The following ZNF69 variants were observed in gnomAD, a reference collection of about 807,000 sequenced individuals.
ZNF69 encodes ZNF3.
Under a neutral mutation model 50.9 loss-of-function variants are expected in ZNF69, and 47 were observed. That is an observed-to-expected ratio of 0.92 (90% confidence interval 0.73 to 1.18). ZNF69 has a LOEUF of 1.18. ZNF69 is among the 50% of genes most tolerant of loss of function. The pLI, the probability that ZNF69 is intolerant of heterozygous loss-of-function variation, is 0.00. For synonymous variants in ZNF69, 216 were observed against 223.1 expected (o/e 0.97, Z 0.29); for missense variants, 717 against 675.1 (o/e 1.06, Z -0.69).
chr19:11,956,515 C>A, the ZNF69 span: 1 of 398,448 alleles, frequency 2.5e-6, no homozygotes, highest in South Asian at 1.3e-4. Context: ...AGGCCTGAGT[C>A]CAGTGACTGC....
At chr19:11,889,801 C>T (rs1460219271) in intron 1 of ZNF69, among the ~76,000 whole-genome samples, 1 of 152,134 alleles carries the variant, frequency 6.6e-6, no homozygotes. Flanking sequence ...ATTTATTGAT[C>T]ACTATTTTTA....
the ZNF69 span, chr19:11,980,131 C>T: frequency 2.4e-6 from 2 of 822,090 alleles, no homozygotes; most frequent in South Asian, 2.9e-5. Context: ...GTAGGACTCA[C>T]ACTGGATAGA....
the ZNF69 span, among the ~76,000 whole-genome samples, chr19:11,943,650 T>A: frequency 6.6e-6 from 1 of 152,318 alleles, no homozygotes; most frequent in East Asian, 1.9e-4. Context: ...AGTGGTGTTA[T>A]ACAGGCAAGT....
the ZNF69 span, among the ~76,000 whole-genome samples, chr19:11,937,485 CTTTCCTTTTT>C: frequency 4.3e-5 from 6 of 138,304 alleles, no homozygotes; most frequent in East Asian, 1.2e-3. Flanking sequence ...TTCTTTTTTT[CTTTCCTTTTT>C]TTTTTTTTTT....
chr19:11,905,979 C>T lies in ZNF69; in HGVS notation c.1582C>T (p.His528Tyr). The change falls in exon 4 of 4, where the codon CAC (histidine) becomes TAC (tyrosine). Residue 528 changes from histidine (H) to tyrosine (Y), a missense_variant. Coordinates refer to ENST00000429654, the MANE Select transcript of ZNF69 (RefSeq NM_001364730.1). The part of the protein sequence containing the change: ...SSSFRYHERT[H>Y]TGEKPYKCKQ... ...TTCCTTTCGATACCATGAAAGGACT[C>T]ACACTGGAGAGAAACCCTATAAATG... 1.9e-6 allele frequency: 3 copies of T among 1,614,080 alleles called. No individual in the cohort carries two copies. Among genetic ancestry groups the T allele is most frequent in the Non-Finnish European group, 2.5e-6 (3 of 1,180,016 alleles).
chr19:11,966,025 G>GA, the ZNF69 span, among the ~76,000 whole-genome samples: 1 of 152,150 alleles, frequency 6.6e-6, no homozygotes, highest in Non-Finnish European at 1.5e-5. Flanking sequence ...AATGCTGAAG[G>GA]AAGGGGGTCT....
the ZNF69 span, chr19:11,948,529 C>G: frequency 6.2e-7 from 1 of 1,610,720 alleles, no homozygotes; most frequent in Non-Finnish European, 8.5e-7. Context: ...GTGTCAACAA[C>G]CTAAAAATAA....
chr19:11,961,922 T>TACACACACACACAC, the ZNF69 span, among the ~76,000 whole-genome samples: 71 of 145,088 alleles, frequency 4.9e-4, 1 homozygote, highest in African/African-American at 8.1e-4. Flanking sequence ...TGGCCTCTTT[T>TACACACACACACAC]ACACACACAC....
At chr19:11,952,279 A>C in the ZNF69 span, among the ~76,000 whole-genome samples, 1 of 152,212 alleles carries the variant, frequency 6.6e-6, no homozygotes, top group Non-Finnish European at 1.5e-5. Context: ...TATTTCCTAA[A>C]ATGTATGGGC....
chr19:11,888,121 C>T, intron 1 of ZNF69, 135 bp downstream of exon 1: 1 of 685,378 alleles, frequency 1.5e-6, no homozygotes. Context: ...AGCCGCTCGG[C>T]CCTCGGTCCC....
chr19:11,898,941 G>A (rs1972186190), intron 1 of ZNF69, among the ~76,000 whole-genome samples: 1 of 152,188 alleles, frequency 6.6e-6, no homozygotes, highest in Admixed American at 6.5e-5. Flanking sequence ...AATTGAAGAA[G>A]CCAATGTTAT....
chr19:11,970,873 G>C, the ZNF69 span, among the ~76,000 whole-genome samples: 1 of 152,178 alleles, frequency 6.6e-6, no homozygotes, highest in Non-Finnish European at 1.5e-5. Context: ...GGAGGTTGCA[G>C]TGAGCCGAGA....
At chr19:11,967,935 A>C in the ZNF69 span, among the ~76,000 whole-genome samples, 1 of 152,236 alleles carries the variant, frequency 6.6e-6, no homozygotes, top group Admixed American at 6.5e-5. Flanking sequence ...CTTTTAGCAC[A>C]CAAGTGCATT....
At chr19:11,893,754 T>G (rs1407193635) in intron 1 of ZNF69, among the ~76,000 whole-genome samples, 2 of 152,146 alleles carry the variant, frequency 1.3e-5, no homozygotes, top group Non-Finnish European at 2.9e-5. Context: ...AGGGAGCAGC[T>G]GAATGCCTTG....
chr19:11,907,534 G>A (rs1452348585), downstream of ZNF69, among the ~76,000 whole-genome samples: 3 of 152,128 alleles, frequency 2.0e-5, no homozygotes, highest in Non-Finnish European at 4.4e-5. Flanking sequence ...ATTCTTAAAG[G>A]AAAGAATTTT....
In ZNF69 at chr19:11,905,574, T is replaced by C. The variant is rs1207922262; in HGVS notation, c.1177T>C (p.Cys393Arg). The C allele has an allele frequency of 1.9e-6, 3 of 1,613,774 alleles. No individual in the cohort carries two copies. The highest frequency in any genetic ancestry group is 2.5e-6 in the Non-Finnish European group (3 of 1,179,978). The change falls in exon 4 of 4, where the codon TGT (cysteine) becomes CGT (arginine). Residue 393 changes from cysteine to arginine, a missense_variant. Transcript: ENST00000429654. Reference protein sequence around the residue: ...SGEKPYKCKQCGKAFIHSSSL... With the variant: ...SGEKPYKCKQRGKAFIHSSSL... ...AGAGAAACCCTATAAATGCAAGCAA[T>C]GTGGTAAAGCCTTCATTCATTCCAG...
chr19:11,952,318 A>G, the ZNF69 span, among the ~76,000 whole-genome samples: 1 of 152,254 alleles, frequency 6.6e-6, no homozygotes, highest in Non-Finnish European at 1.5e-5. Context: ...CCTTAGTTAA[A>G]ACATACAAAT....
chr19:11,896,592 A>G (rs1009766863), intron 1 of ZNF69, among the ~76,000 whole-genome samples: 7 of 152,134 alleles, frequency 4.6e-5, no homozygotes, highest in Non-Finnish European at 1.0e-4. Flanking sequence ...GTCTTCTTAT[A>G]AGAGCACTAA....
the ZNF69 span, among the ~76,000 whole-genome samples, chr19:11,934,394 C>G: frequency 6.7e-6 from 1 of 148,204 alleles, no homozygotes; most frequent in Non-Finnish European, 1.5e-5. Context: ...GTAGAATTTT[C>G]CATTCACATC....
Sources: gnomAD v4.1 joint callset for allele counts (sites outside exome capture counted in the v4.1 genomes callset) on GRCh38, gnomAD v4.1.1 for gene constraint, MANE v1.5 for transcripts, NCBI Gene and HGNC (gene_info 2026-07-23, HGNC 2026-07-21) for gene names.